Variants in XRCC4 observed in about 807,000 individuals in gnomAD.
XRCC4 encodes the protein X-ray repair cross complementing 4, also known as DNA repair protein XRCC4.
In XRCC4, 28 loss-of-function variants were observed where a neutral mutation model predicts 39.1. That is an observed-to-expected ratio of 0.72 (90% CI 0.53 to 0.98). The LOEUF is 0.98. Ranked by LOEUF, XRCC4 falls within the 50% of genes least tolerant of loss-of-function variation. The pLI is 0.00. For synonymous variants in XRCC4, 123 were observed against 126.4 expected (o/e 0.97, Z 0.18); for missense variants, 350 against 376.4 (o/e 0.93, Z 0.58).
intron 3 of XRCC4, among the ~76,000 whole-genome samples, chr5:83,194,570 C>A (rs1468869966): frequency 6.6e-6 from 1 of 152,062 alleles, no homozygotes; most frequent in Admixed American, 6.6e-5. Context: ...TAGAAATATT[C>A]TTTTAAAAGC....
chr5:83,133,332 C>T (rs547351123), intron 3 of XRCC4, among the ~76,000 whole-genome samples: 11 of 152,194 alleles, frequency 7.2e-5, no homozygotes, highest in Non-Finnish European at 1.5e-4. Context: ...GCTACTCGGG[C>T]GTCAGGGACC....
chr5:83,265,173 A>G (rs1014457641), intron 7 of XRCC4, among the ~76,000 whole-genome samples: 9 of 152,164 alleles, frequency 5.9e-5, no homozygotes, highest in Non-Finnish European at 1.3e-4. Context: ...TGTTTTTTAA[A>G]TTTAGATGGA....
intron 1 of XRCC4, among the ~76,000 whole-genome samples, chr5:83,081,065 G>A (rs1744917478): frequency 6.6e-6 from 1 of 152,176 alleles, no homozygotes; most frequent in Admixed American, 6.5e-5. Context: ...AATGTGAACA[G>A]AAGCATGCTC....
intron 1 of XRCC4, among the ~76,000 whole-genome samples, chr5:83,082,877 C>T (rs1342383606): frequency 2.0e-5 from 3 of 152,184 alleles, no homozygotes; most frequent in African/African-American, 7.2e-5. Flanking sequence ...ACCTCTCTGA[C>T]TACATGTCTT....
At chr5:83,323,446 G>A (rs1057053157) in intron 7 of XRCC4, among the ~76,000 whole-genome samples, 23 of 152,030 alleles carry the variant, frequency 1.5e-4, no homozygotes, top group African/African-American at 5.6e-4. Flanking sequence ...ACACAGAAAT[G>A]TTAATTAAAC....
chr5:83,229,105 C>G (rs925017104), intron 6 of XRCC4, among the ~76,000 whole-genome samples: 3 of 152,028 alleles, frequency 2.0e-5, no homozygotes, highest in Non-Finnish European at 4.4e-5. Context: ...AGAAACAACT[C>G]TAGAATTTAA....
chr5:83,363,307 T>C, the XRCC4 span, among the ~76,000 whole-genome samples: 4 of 151,658 alleles, frequency 2.6e-5, no homozygotes, highest in African/African-American at 9.7e-5. Context: ...GTGGCAGGAG[T>C]GAACCCCAGG....
At position 83,087,154 on chromosome 5, in the gene XRCC4, C is replaced by A. The variant is rs1174363669; in HGVS notation, c.-11+9539C>A. On this transcript the variant is annotated intron_variant, in intron 1 of 7. Coordinates refer to ENST00000396027, the MANE Select transcript of XRCC4 (RefSeq NM_003401.5). ...CAACCTGGTGAAACCCCATCTCTAC[C>A]AAAAATACAAAAATTAGCCGGGAGT... is the stretch of plus-strand genomic sequence containing the variant. Among the ~76,000 whole-genome samples, 6 of 149,620 alleles carry A rather than the reference C, an allele frequency of 4.0e-5. No individual in the cohort carries two copies. In the East Asian group the frequency reaches 8.0e-4, roughly 20 times the overall value.
chr5:83,297,791 G>A (rs1006402052), intron 7 of XRCC4, among the ~76,000 whole-genome samples: 4 of 151,664 alleles, frequency 2.6e-5, no homozygotes, highest in Admixed American at 6.6e-5. Flanking sequence ...TTTCATGCAC[G>A]CTTCAAGTTC....
chr5:83,087,148 C>T lies in XRCC4; in HGVS notation c.-11+9533C>T, dbSNP rs576306273. On this transcript the variant is annotated intron_variant, in intron 1 of 7. Transcript: ENST00000396027. Reference sequence around the variant, plus strand: ...CCTGGCCAACCTGGTGAAACCCCATCTCTACCAAAAATACAAAAATTAGCC... The same window carrying T: ...CCTGGCCAACCTGGTGAAACCCCATTTCTACCAAAAATACAAAAATTAGCC... 6.6e-5 allele frequency among the ~76,000 whole-genome samples: 10 copies of T among 152,038 alleles called. No homozygotes were observed. The South Asian group carries it at 2.1e-3, about 32-fold the overall frequency.
At chr5:83,198,339 G>A (rs904310063) in intron 4 of XRCC4, among the ~76,000 whole-genome samples, 11 of 152,076 alleles carry the variant, frequency 7.2e-5, no homozygotes, top group Non-Finnish European at 1.5e-4. Context: ...CCATAGAAGC[G>A]ATGGTAGATG....
chr5:83,232,834 T>C (rs1439568265), intron 6 of XRCC4, among the ~76,000 whole-genome samples: 1 of 152,128 alleles, frequency 6.6e-6, no homozygotes, highest in African/African-American at 2.4e-5. Flanking sequence ...CTTTATATAA[T>C]TTATCTCATT....
At chr5:83,193,251 C>T (rs756291338) in intron 3 of XRCC4, among the ~76,000 whole-genome samples, 6 of 151,486 alleles carry the variant, frequency 4.0e-5, no homozygotes, top group Non-Finnish European at 8.8e-5. Context: ...CGTGTGTATA[C>T]GGGCCAAATA....
chr5:83,178,889 T>C (rs1295072738), intron 3 of XRCC4, among the ~76,000 whole-genome samples: 2 of 152,142 alleles, frequency 1.3e-5, no homozygotes, highest in African/African-American at 4.8e-5. Context: ...GTGACTCCAA[T>C]GTGTAACATT....
At chr5:83,355,203 C>T (rs547040495), downstream of XRCC4, among the ~76,000 whole-genome samples, 1 of 152,134 alleles carries the variant, frequency 6.6e-6, no homozygotes, top group Admixed American at 6.5e-5. Context: ...GATTTAGAAC[C>T]AAATGTCATC....
intron 7 of XRCC4, among the ~76,000 whole-genome samples, chr5:83,307,592 C>T (rs1755533386): frequency 6.6e-6 from 1 of 152,150 alleles, no homozygotes; most frequent in Non-Finnish European, 1.5e-5. Flanking sequence ...TATCAGAAAG[C>T]TTTACATCCA....
chr5:83,272,599 C>A (rs1311390611), intron 7 of XRCC4, among the ~76,000 whole-genome samples: 2 of 152,030 alleles, frequency 1.3e-5, no homozygotes, highest in Non-Finnish European at 2.9e-5. Flanking sequence ...CCACGACAGG[C>A]CACAGTATGT....
At chr5:83,156,984 T>C (rs9293334) in intron 3 of XRCC4, among the ~76,000 whole-genome samples, 75,913 of 151,784 alleles carry the variant, frequency 0.5, 20,268 homozygotes, top group African/African-American at 0.68. Context: ...CAGGCAGCTG[T>C]ACACCTAGTT....
At chr5:83,110,494 C>T (rs137921267) in intron 2 of XRCC4, among the ~76,000 whole-genome samples, 3 of 152,004 alleles carry the variant, frequency 2.0e-5, no homozygotes, top group East Asian at 3.9e-4. Flanking sequence ...AGGAGATGCT[C>T]GTACATTTTA....
Sources: gnomAD v4.1 joint callset for allele counts (sites outside exome capture counted in the v4.1 genomes callset) on GRCh38, gnomAD v4.1.1 for gene constraint, MANE v1.5 for transcripts, NCBI Gene and HGNC (gene_info 2026-07-23, HGNC 2026-07-21) for gene names.